Variants in ZNF780A observed in about 807,000 individuals in gnomAD.
ZNF780A encodes zinc finger protein 780A.
A neutral mutation model predicts 56.7 loss-of-function variants in ZNF780A; 40 were observed. That is an observed-to-expected ratio of 0.71 (90% confidence interval 0.55 to 0.92). ZNF780A has a LOEUF of 0.92. Ranked by LOEUF, ZNF780A falls within the 40% of genes least tolerant of loss-of-function variation. ZNF780A has a pLI of 0.00. For synonymous variants in ZNF780A, 231 were observed against 248.3 expected, an observed-to-expected ratio of 0.93 and a Z score of 0.66; for missense variants, 672 against 783.3, an observed-to-expected ratio of 0.86 and a Z score of 1.70.
intron 2 of ZNF780A, among the ~76,000 whole-genome samples, chr19:40,088,867 G>A (rs1307509957): frequency 6.6e-6 from 1 of 152,140 alleles, no homozygotes; most frequent in African/African-American, 2.4e-5. Context: ...GCAAAAACAT[G>A]GATGAACCTG....
chr19:40,070,517 C>A (rs150576629), downstream of ZNF780A: 2 of 152,152 alleles, frequency 1.3e-5, no homozygotes, highest in African/African-American at 4.8e-5. Flanking sequence ...GAAGCAGCAA[C>A]AATGTCAAAG....
intron 5 of ZNF780A, among the ~76,000 whole-genome samples, chr19:40,078,481 C>CA (rs1974286275): frequency 1.3e-5 from 2 of 152,240 alleles, no homozygotes; most frequent in South Asian, 4.1e-4. Context: ...AGGTCTTCTC[C>CA]ATGGCACATT....
intron 4 of ZNF780A, 135 bp downstream of exon 4, chr19:40,082,976 A>T (rs1410210376): frequency 2.1e-6 from 3 of 1,454,864 alleles, no homozygotes; most frequent in Non-Finnish European, 2.8e-6. Context: ...CAACCCAACA[A>T]ATCCCAATCC....
intron 2 of ZNF780A, chr19:40,085,276 G>A (rs907434028): frequency 3.0e-6 from 3 of 985,274 alleles, no homozygotes; most frequent in African/African-American, 3.5e-5. Context: ...TATTTGCACT[G>A]GCAGTGTTTG....
At position 40,073,432 on chromosome 19, in the gene ZNF780A, G is replaced by T; in HGVS notation, c.*1084C>A. ...ACATGAAATGCACACCTGACGTTGGGAAAATGGACCTGATCGTCTTGCTCA... is the reference window on the plus strand; with the variant it reads ...ACATGAAATGCACACCTGACGTTGGTAAAATGGACCTGATCGTCTTGCTCA... On this transcript the variant is annotated 3_prime_UTR_variant, in exon 6 of 6. Transcript: ENST00000683561. The T allele has an allele frequency of 1.4e-6, 1 of 735,564 alleles. No homozygotes were observed. Among genetic ancestry groups the T allele is most frequent in the Non-Finnish European group, 1.7e-6 (1 of 603,096 alleles). The allele number at this position is 735,564 out of a possible 1,614,324, so 45.6% of individuals were successfully genotyped here.
Position 40,075,803 on chromosome 19 carries a change from T to C in ZNF780A, c.639A>G (p.Lys213=), listed in dbSNP as rs766929319. The C allele has an allele frequency of 1.9e-6, 3 of 1,613,830 alleles. No homozygotes were observed. Among genetic ancestry groups the C allele is most frequent in the African/African-American group, 2.7e-5 (2 of 74,856 alleles). The change falls in exon 6 of 6, where the codon AAA becomes AAG. Residue 213 remains lysine (K), a synonymous_variant. Coordinates refer to ENST00000683561, the MANE Select transcript of ZNF780A (RefSeq NM_001142578.2). ...CAAAAGGTTTCTCACCAGTATGAAA[T>C]TTCTGATGTCGAGTAAATTGTATGT... is the stretch of plus-strand genomic sequence containing the variant. ...RLHIQFTRHQ[K]FHTGEKPFEC...
intron 5 of ZNF780A, among the ~76,000 whole-genome samples, chr19:40,078,297 A>G (rs1974273174): frequency 6.6e-6 from 1 of 152,182 alleles, no homozygotes; most frequent in Admixed American, 6.5e-5. Context: ...TATATGGGAC[A>G]TCATAAAACA....
At chr19:40,084,559 A>G (rs957630157) in intron 3 of ZNF780A, among the ~76,000 whole-genome samples, 186 bp downstream of exon 3, 3 of 152,158 alleles carry the variant, frequency 2.0e-5, no homozygotes, top group African/African-American at 4.8e-5. Context: ...CAAAGCCAGT[A>G]GGAAACAGAG....
Position 40,074,367 on chromosome 19 carries a change from A to C in ZNF780A, c.*149T>G, listed in dbSNP as rs1353606886. 6.5e-7 allele frequency: 1 copy of C among 1,533,180 alleles called. No individual in the cohort carries two copies. The highest frequency in any genetic ancestry group is 8.7e-7 in the Non-Finnish European group (1 of 1,145,296). The allele number at this position is 1,533,180 out of a possible 1,614,324, so 95.0% of individuals were successfully genotyped here. The stretch of plus-strand genomic sequence containing the variant: ...TTGCATACAAAGAGTTTCTCACTGG[A>C]ATGAATTTTCTGATGCTGAATAACG... On this transcript the variant is annotated 3_prime_UTR_variant, in exon 6 of 6. Transcript: ENST00000683561.
At chr19:40,080,625 G>A (rs111440583) in intron 5 of ZNF780A, among the ~76,000 whole-genome samples, 9 of 152,074 alleles carry the variant, frequency 5.9e-5, no homozygotes, top group Non-Finnish European at 1.2e-4. Flanking sequence ...GCTAAACACC[G>A]AGTACACATG....
At position 40,073,452 on chromosome 19, in the gene ZNF780A, T is replaced by G; in HGVS notation, c.*1064A>C. 1.1e-6 allele frequency: 1 copy of G among 896,100 alleles called. No individual in the cohort carries two copies. The highest frequency in any genetic ancestry group is 1.3e-6 in the Non-Finnish European group (1 of 748,966). 55.5% of individuals were successfully genotyped at this position (896,100 alleles called of 1,614,324 possible). Reference sequence around the variant, plus strand: ...GTTGGGAAAATGGACCTGATCGTCTTGCTCACCACAGGGTTGCCACAAACC... The same window carrying G: ...GTTGGGAAAATGGACCTGATCGTCTGGCTCACCACAGGGTTGCCACAAACC... On this transcript the variant is annotated 3_prime_UTR_variant, in exon 6 of 6. Coordinates refer to ENST00000683561, the MANE Select transcript of ZNF780A (RefSeq NM_001142578.2).
rs1215699968 is a variant in ZNF780A at position 40,090,237 on chromosome 19, TGGA to T, written c.-115-5_-115-3del. On this transcript the variant is annotated splice_region_variant and splice_polypyrimidine_tract_variant and intron_variant, in intron 1 of 5. Coordinates refer to ENST00000683561, the MANE Select transcript of ZNF780A (RefSeq NM_001142578.2). Reference sequence around the variant, plus strand: ...TCCTTCTTTTGGATAAAAATACGACTGGAGAAGGATACGGCAAGCGTGAGACTC... The same window carrying T: ...TCCTTCTTTTGGATAAAAATACGACTGAAGGATACGGCAAGCGTGAGACTC... 6.6e-6 allele frequency: 1 copy of T among 152,174 alleles called. No homozygotes were observed. The highest frequency in any genetic ancestry group is 1.9e-4 in the East Asian group (1 of 5,194). The allele number at this position is 152,174 out of a possible 1,614,324, so 9.4% of individuals were successfully genotyped here.
intron 5 of ZNF780A, among the ~76,000 whole-genome samples, chr19:40,081,015 C>T (rs960655523): frequency 6.6e-6 from 1 of 152,000 alleles, no homozygotes; most frequent in Admixed American, 6.6e-5. Context: ...GGAAGTGCTT[C>T]AGGACATTGA....
intron 1 of ZNF780A, 43 bp downstream of exon 1, chr19:40,090,863 C>A (rs1975128894): frequency 6.6e-6 from 1 of 152,394 alleles, no homozygotes; most frequent in African/African-American, 2.4e-5. Context: ...CCGCAGAGAT[C>A]TCCCGCAGCC....
rs1974094471 is a variant in ZNF780A, at chr19:40,075,760, T to G, written c.682A>C (p.Lys228Gln). Residue 228 changes from lysine to glutamine, a missense_variant, in exon 6 of 6, where the codon AAG (lysine) becomes CAG (glutamine). By Grantham distance (53) the Lys-to-Gln change is moderately conservative (BLOSUM62 1). Coordinates refer to ENST00000683561, the MANE Select transcript of ZNF780A (RefSeq NM_001142578.2). ...AGCAGGGTAAGAAGACTAAAGGCCTTTCCACATTCGTTACATTCAAAAGGT... is the reference window on the plus strand; with the variant it reads ...AGCAGGGTAAGAAGACTAAAGGCCTGTCCACATTCGTTACATTCAAAAGGT... ...EKPFECNECG[K>Q]AFSLLTLLNR... 1 of 1,614,042 alleles carries G rather than the reference T, an allele frequency of 6.2e-7. No homozygotes were observed. The highest frequency in any genetic ancestry group is 8.5e-7 in the Non-Finnish European group (1 of 1,180,024).
chr19:40,082,006 C>T (rs1268389167), intron 4 of ZNF780A, 92 bp from the exon 5 acceptor site: 1 of 818,742 alleles, frequency 1.2e-6, no homozygotes, highest in African/African-American at 1.8e-5. Context: ...CAATAAATTA[C>T]AAGTCAAAAC....
intron 5 of ZNF780A, among the ~76,000 whole-genome samples, chr19:40,077,721 C>CA (rs919979109): frequency 4.9e-4 from 72 of 146,980 alleles, no homozygotes; most frequent in East Asian, 3.2e-3. Flanking sequence ...TGTTTACAGC[C>CA]AAAAAAAAAA....
At chr19:40,085,192 C>A in intron 2 of ZNF780A, 12 of 985,478 alleles carry the variant, frequency 1.2e-5, no homozygotes, top group Non-Finnish European at 1.4e-5. Flanking sequence ...GAAGGGATTG[C>A]ATCATCCAAA....
rs1419972599 is a variant in ZNF780A at position 40,075,126 on chromosome 19, T to C, written c.1316A>G (p.His439Arg). The C allele has an allele frequency of 1.2e-5, 19 of 1,614,118 alleles. No individual in the cohort carries two copies. Among genetic ancestry groups the C allele is most frequent in the Non-Finnish European group, 1.5e-5 (18 of 1,180,026 alleles). Reference sequence around the variant, plus strand: ...ACATACAAAAGGTTTCTCATTGGAATGAATTTTCTGATGCTGAATAAGGTG... The same window carrying C: ...ACATACAAAAGGTTTCTCATTGGAACGAATTTTCTGATGCTGAATAAGGTG... ...GAHLIQHQKI[H>R]SNEKPFVCRE... is the part of the protein sequence containing the mutation. Residue 439 changes from histidine (H) to arginine (R), a missense_variant, in exon 6 of 6, where the codon CAT (histidine) becomes CGT (arginine). His to Arg is a conservative substitution (Grantham distance 29). Transcript: ENST00000683561.
Sources: gnomAD v4.1 joint callset for allele counts (sites outside exome capture counted in the v4.1 genomes callset) on GRCh38, gnomAD v4.1.1 for gene constraint, MANE v1.5 for transcripts, NCBI Gene and HGNC (gene_info 2026-07-23, HGNC 2026-07-21) for gene names.